The following RAPGEF5 variants were observed in gnomAD, a reference collection of about 807,000 sequenced individuals.
RAPGEF5 encodes the protein M-Ras-regulated GEF.
In RAPGEF5, 65 loss-of-function variants were observed where a neutral mutation model predicts 125.2. The ratio of observed to expected loss-of-function variants is 0.52; its 90% CI spans 0.43 to 0.64. The LOEUF (loss-of-function observed/expected upper bound fraction) is 0.64. Among genes scored for constraint, RAPGEF5 ranks in the 30% least tolerant of loss-of-function variants. The probability of loss-of-function intolerance (pLI) is 0.00; values close to 1 mark genes in which losing one functional copy is unlikely to be tolerated. For missense variants in RAPGEF5, 958 were observed against 1,048.1 expected (o/e 0.91, Z 1.19); for synonymous variants, 391 against 385.9 (o/e 1.01, Z -0.16).
chr7:22,351,035 C>A (rs1358967625), intron 1 of RAPGEF5, among the ~76,000 whole-genome samples: 1 of 152,172 alleles, frequency 6.6e-6, no homozygotes, highest in East Asian at 1.9e-4. Flanking sequence ...CAGATGAGAA[C>A]AAAGTAAGCT....
At position 22,193,469 on chromosome 7, in the gene RAPGEF5, G is replaced by A. The variant is rs376799382; in HGVS notation, c.1116-14C>T. 1 of 1,579,472 alleles carries A rather than the reference G, an allele frequency of 6.3e-7. No homozygotes were observed. Among genetic ancestry groups the A allele is most frequent in the African/African-American group, 1.3e-5 (1 of 74,202 alleles). Reference sequence around the variant, plus strand: ...ACCACCACATATCTGTCAGAGAGCAGAGAGTCCACTGAGTCATCCTCGGTG... The same window carrying A: ...ACCACCACATATCTGTCAGAGAGCAAAGAGTCCACTGAGTCATCCTCGGTG... On this transcript the variant is annotated splice_polypyrimidine_tract_variant and intron_variant, in intron 10 of 25. Transcript: ENST00000665637.
At chr7:22,310,660 GA>G (rs1783447692) in intron 3 of RAPGEF5, among the ~76,000 whole-genome samples, 1 of 113,770 alleles carries the variant, frequency 8.8e-6, no homozygotes, top group South Asian at 4.3e-4. Context: ...CAGTTGTATA[GA>G]GTTTGTTTGC....
chr7:22,259,154 C>CG (rs1489312224), intron 7 of RAPGEF5, among the ~76,000 whole-genome samples: 10 of 131,374 alleles, frequency 7.6e-5, no homozygotes, highest in Admixed American at 5.4e-4. Flanking sequence ...AACTCAAACT[C>CG]AACAATAAGA....
intron 1 of RAPGEF5, among the ~76,000 whole-genome samples, chr7:22,348,945 G>A (rs950928850): frequency 1.3e-5 from 2 of 151,764 alleles, no homozygotes; most frequent in African/African-American, 4.8e-5. Context: ...AAATTAGCCA[G>A]GTGTGGTGGC....
At chr7:22,204,692 G>A (rs1280151247) in intron 9 of RAPGEF5, among the ~76,000 whole-genome samples, 1 of 152,200 alleles carries the variant, frequency 6.6e-6, no homozygotes, top group Non-Finnish European at 1.5e-5. Flanking sequence ...GGTCTCTGCT[G>A]TAGCCATCTC....
intron 3 of RAPGEF5, among the ~76,000 whole-genome samples, chr7:22,312,770 T>A (rs1783503382): frequency 6.6e-6 from 1 of 152,228 alleles, no homozygotes; most frequent in South Asian, 2.1e-4. Context: ...AAATCACATA[T>A]AAGGATCCAC....
intron 18 of RAPGEF5, among the ~76,000 whole-genome samples, chr7:22,149,083 G>A (rs968781485): frequency 6.6e-6 from 1 of 152,114 alleles, no homozygotes; most frequent in Non-Finnish European, 1.5e-5. Flanking sequence ...TTTAAAAATC[G>A]AAGCACTCTC....
chr7:22,256,197 G>A (rs1352050124), intron 7 of RAPGEF5, among the ~76,000 whole-genome samples: 3 of 152,110 alleles, frequency 2.0e-5, no homozygotes, highest in South Asian at 2.1e-4. Context: ...CAACAAGATC[G>A]CTTAGCAAAG....
Position 22,193,473 on chromosome 7 carries a change from G to A in RAPGEF5, c.1116-18C>T. On this transcript the variant is annotated intron_variant, in intron 10 of 25. Coordinates refer to ENST00000665637, the MANE Select transcript of RAPGEF5 (RefSeq NM_012294.5). ...CCACATATCTGTCAGAGAGCAGAGAGTCCACTGAGTCATCCTCGGTGGAAG... is the reference window on the plus strand; with the variant it reads ...CCACATATCTGTCAGAGAGCAGAGAATCCACTGAGTCATCCTCGGTGGAAG... 1 of 1,576,006 alleles carries A rather than the reference G, an allele frequency of 6.3e-7. No individual in the cohort carries two copies. Among genetic ancestry groups the A allele is most frequent in the East Asian group, 2.3e-5 (1 of 42,882 alleles).
At chr7:22,154,717 C>T (rs1783749708) in intron 16 of RAPGEF5, 113 bp from the exon 17 acceptor site, 1 of 1,184,742 alleles carries the variant, frequency 8.4e-7, no homozygotes, top group African/African-American at 1.5e-5. Context: ...CCTGGCTATT[C>T]TCTTCAGTAT....
rs58681076 is a variant in RAPGEF5 at position 22,251,775 on chromosome 7, C to CAAAAAAAAA, written c.796+15180_796+15188dup. ...GAGCCCTGCCAGGAAGTTTCATTGA[C>CAAAAAAAAA]AAAAAAAAAAAAAAAAAAAAAAAAG... is the stretch of plus-strand genomic sequence containing the variant. On this transcript the variant is annotated intron_variant, in intron 7 of 25. Transcript: ENST00000665637. 1.5e-3 allele frequency among the ~76,000 whole-genome samples: 111 copies of CAAAAAAAAA among 73,348 alleles called. 12 individuals carry two copies. The highest frequency in any genetic ancestry group is 3.7e-3 in the Admixed American group (19 of 5,112). 48.1% of individuals were successfully genotyped at this position (73,348 alleles called of 152,430 possible). A position where few individuals can be genotyped will look rare whatever the true frequency, so the allele number is the denominator to read the frequency against.
chr7:22,167,878 T>C (rs1784222120), intron 11 of RAPGEF5, among the ~76,000 whole-genome samples: 1 of 152,232 alleles, frequency 6.6e-6, no homozygotes, highest in Admixed American at 6.5e-5. Context: ...AATATGGAAT[T>C]GCTAAAGAGG....
chr7:22,297,662 G>A (rs562521861), intron 5 of RAPGEF5, among the ~76,000 whole-genome samples: 1 of 152,236 alleles, frequency 6.6e-6, no homozygotes, highest in Non-Finnish European at 1.5e-5. Flanking sequence ...GCTGAAGAGA[G>A]AGGAAGTATT....
chr7:22,251,773 G>GAAAAAA (rs1402419694), intron 7 of RAPGEF5, among the ~76,000 whole-genome samples: 2 of 8,162 alleles, frequency 2.5e-4, no homozygotes, highest in African/African-American at 8.4e-4. Context: ...AAGTTTCATT[G>GAAAAAA]ACAAAAAAAA....
intron 23 of RAPGEF5, among the ~76,000 whole-genome samples, chr7:22,135,198 G>A (rs1263659500): frequency 6.6e-6 from 1 of 152,228 alleles, no homozygotes; most frequent in Non-Finnish European, 1.5e-5. Context: ...TCCAGCCACT[G>A]GGGCCTGGCT....
At chr7:22,209,927 C>G (rs549041625) in intron 9 of RAPGEF5, among the ~76,000 whole-genome samples, 1 of 152,292 alleles carries the variant, frequency 6.6e-6, no homozygotes, top group South Asian at 2.1e-4. Context: ...TTTACTTTTG[C>G]TAGAAGATAT....
At chr7:22,140,715 G>C (rs1252094721) in intron 20 of RAPGEF5, among the ~76,000 whole-genome samples, 1 of 152,104 alleles carries the variant, frequency 6.6e-6, no homozygotes, top group African/African-American at 2.4e-5. Context: ...ACTTCTTGAG[G>C]CTATCCACTC....
chr7:22,307,147 T>C (rs886445443), intron 5 of RAPGEF5, among the ~76,000 whole-genome samples: 3 of 152,194 alleles, frequency 2.0e-5, no homozygotes, highest in African/African-American at 4.8e-5. Context: ...TTGGGTAATA[T>C]GGATATTTTA....
intron 6 of RAPGEF5, among the ~76,000 whole-genome samples, chr7:22,281,549 C>G (rs558366382): frequency 9.2e-5 from 14 of 152,304 alleles, no homozygotes; most frequent in African/African-American, 3.4e-4. Flanking sequence ...TCCCTTCTAT[C>G]CTTGTTCCAA....
Sources: allele counts gnomAD v4.1 joint callset (sites outside exome capture counted in the v4.1 genomes callset), GRCh38; gene constraint gnomAD v4.1.1; transcripts MANE v1.5; gene names NCBI Gene and HGNC (gene_info 2026-07-23, HGNC 2026-07-21).